Variants in BACE2 observed in about 807,000 individuals in gnomAD.
BACE2 encodes the protein 56 kDa aspartic-like protease.
Under a neutral mutation model 46.2 loss-of-function variants are expected in BACE2, and 17 were observed. The observed-to-expected ratio is 0.37, with a 90% confidence interval of 0.25 to 0.55. The LOEUF is 0.55. Among genes scored for constraint, BACE2 ranks in the 20% least tolerant of loss-of-function variants. BACE2 has a pLI of 0.82. For missense variants in BACE2, 595 were observed against 698.1 expected, an observed-to-expected ratio of 0.85 and a Z score of 1.66; for synonymous variants, 277 against 295.9, an observed-to-expected ratio of 0.94 and a Z score of 0.66.
chr21:41,174,138 CCTTTTTTTTT>C lies in BACE2; in HGVS notation c.312+5564_312+5573del, dbSNP rs1196315991. On this transcript the variant is annotated intron_variant, in intron 1 of 8. Coordinates refer to ENST00000330333, the MANE Select transcript of BACE2 (RefSeq NM_012105.5). Reference sequence around the variant, plus strand: ...TAAGGATAGCTGTTGTGATCAGTGGCCTTTTTTTTTTTTTTTTTTTTTTTTTAAACAGTCT... The same window carrying C: ...TAAGGATAGCTGTTGTGATCAGTGGCTTTTTTTTTTTTTTTTAAACAGTCT... Among the ~76,000 whole-genome samples the C allele has an allele frequency of 3.3e-4, 23 of 70,650 alleles. 1 individual carries two copies. Among genetic ancestry groups the C allele is most frequent in the South Asian group, 1.3e-3 (2 of 1,594 alleles). 46.3% of individuals were successfully genotyped at this position (70,650 alleles called of 152,430 possible).
chr21:41,173,281 G>A (rs917820759), intron 1 of BACE2, among the ~76,000 whole-genome samples: 1 of 152,182 alleles, frequency 6.6e-6, no homozygotes, highest in Non-Finnish European at 1.5e-5. Flanking sequence ...AAGTGTAATT[G>A]TTATCACAGG....
At position 41,277,159 on chromosome 21, in the gene BACE2, G is replaced by A. The variant is rs1162467667; in HGVS notation, c.*1535G>A. 1 of 152,032 alleles carries A rather than the reference G, an allele frequency of 6.6e-6. No homozygotes were observed. The highest frequency in any genetic ancestry group is 1.5e-5 in the Non-Finnish European group (1 of 68,050). The allele number at this position is 152,032 out of a possible 1,614,324, so 9.4% of individuals were successfully genotyped here. A position where few individuals can be genotyped will look rare whatever the true frequency, so the allele number is the denominator to read the frequency against. ...GTCCCCTCCTGCAGAAGTATCGTTT[G>A]TATTCACAGTAGGCTACGTGTGGAT... On this transcript the variant is annotated 3_prime_UTR_variant, in exon 9 of 9. Coordinates refer to ENST00000330333, the MANE Select transcript of BACE2 (RefSeq NM_012105.5).
At chr21:41,257,737 C>G (rs962467292) in intron 8 of BACE2, among the ~76,000 whole-genome samples, 1 of 152,118 alleles carries the variant, frequency 6.6e-6, no homozygotes, top group Non-Finnish European at 1.5e-5. Flanking sequence ...CCTATCGTTG[C>G]GATTTCTTGA....
At chr21:41,214,867 A>G (rs1986407502) in intron 1 of BACE2, among the ~76,000 whole-genome samples, 1 of 151,984 alleles carries the variant, frequency 6.6e-6, no homozygotes, top group Non-Finnish European at 1.5e-5. Context: ...TGTGACGGTG[A>G]TGCACCCAGG....
At chr21:41,209,081 G>A (rs1253936909) in intron 1 of BACE2, among the ~76,000 whole-genome samples, 1 of 152,216 alleles carries the variant, frequency 6.6e-6, no homozygotes, top group Non-Finnish European at 1.5e-5. Flanking sequence ...ACCCTGGGTT[G>A]CAGCCCATGT....
chr21:41,168,437 C>T lies in BACE2; in HGVS notation c.174C>T (p.Asp58=). The part of the protein sequence containing the change: ...GPGTPAERHA[D]GLALALEPAL... Reference sequence around the variant, plus strand: ...GGACCCCTGCCGAGCGCCACGCCGACGGCTTGGCGCTCGCCCTGGAGCCTG... The same window carrying T: ...GGACCCCTGCCGAGCGCCACGCCGATGGCTTGGCGCTCGCCCTGGAGCCTG... Residue 58 remains aspartate, a synonymous_variant, in exon 1 of 9, where the codon GAC becomes GAT. Transcript: ENST00000330333. The T allele has an allele frequency of 2.1e-6, 3 of 1,396,206 alleles. No homozygotes were observed. The highest frequency in any genetic ancestry group is 2.8e-6 in the Non-Finnish European group (3 of 1,073,098). The allele number at this position is 1,396,206 out of a possible 1,614,324, so 86.5% of individuals were successfully genotyped here.
In BACE2 at chr21:41,275,395, A is replaced by T; in HGVS notation, c.1328A>T (p.Glu443Val). Reference sequence around the variant, plus strand: ...GAAATTGCAGGTGCTGCAGTGTCTGAAATTTCCGGGCCTTTCTCAACAGAG... The same window carrying T: ...GAAATTGCAGGTGCTGCAGTGTCTGTAATTTCCGGGCCTTTCTCAACAGAG... Reference protein sequence around the residue: ...CAEIAGAAVSEISGPFSTEDV... With the variant: ...CAEIAGAAVSVISGPFSTEDV... The change falls in exon 9 of 9, where the codon GAA (glutamate) becomes GTA (valine). Residue 443 changes from glutamate (E) to valine (V), a missense_variant. This residue lies in a region of BACE2 where 343 missense variants were observed against 419.4 expected (regional missense o/e 0.82). Coordinates refer to ENST00000330333, the MANE Select transcript of BACE2 (RefSeq NM_012105.5). 6.2e-7 allele frequency: 1 copy of T among 1,614,160 alleles called. No individual in the cohort carries two copies. Among genetic ancestry groups the T allele is most frequent in the South Asian group, 1.1e-5 (1 of 91,076 alleles).
In BACE2 at chr21:41,237,727, A is replaced by G; in HGVS notation, c.616A>G (p.Lys206Glu). 6.2e-7 allele frequency: 1 copy of G among 1,611,906 alleles called. No individual in the cohort carries two copies. The highest frequency in any genetic ancestry group is 8.5e-7 in the Non-Finnish European group (1 of 1,177,978). The change falls in exon 3 of 9, where the codon AAG becomes GAG. Residue 206 changes from lysine to glutamate, a missense_variant and splice_region_variant. Transcript: ENST00000330333. ...TGGCCTAGCTTATGCCACACTTGCC[A>G]AGGTAAGGCTAATCCATGGATTTAA... is the stretch of plus-strand genomic sequence containing the variant. ...ILGLAYATLA[K>E]PSSSLETFFD...
chr21:41,175,016 T>C (rs1478134983), intron 1 of BACE2, among the ~76,000 whole-genome samples: 1 of 152,150 alleles, frequency 6.6e-6, no homozygotes, highest in Admixed American at 6.5e-5. Flanking sequence ...GTGACTTTCC[T>C]GGCCTGGCTC....
chr21:41,209,236 G>A (rs1986224061), intron 1 of BACE2, among the ~76,000 whole-genome samples: 1 of 152,344 alleles, frequency 6.6e-6, no homozygotes, highest in Middle Eastern at 3.4e-3. Context: ...TTCTGGGGGT[G>A]GGAGAGGGCG....
chr21:41,260,098 C>T (rs930579192), intron 8 of BACE2, among the ~76,000 whole-genome samples: 4 of 150,860 alleles, frequency 2.7e-5, no homozygotes, highest in Non-Finnish European at 5.9e-5. Context: ...CGTGGCCTCC[C>T]AAAGTGCTAG....
chr21:41,211,259 A>T (rs556534317), intron 1 of BACE2, among the ~76,000 whole-genome samples: 2 of 150,858 alleles, frequency 1.3e-5, no homozygotes, highest in South Asian at 4.2e-4. Flanking sequence ...GTCTCTCAAC[A>T]TGTGTCTTTC....
chr21:41,258,097 A>G (rs73222287), intron 8 of BACE2, among the ~76,000 whole-genome samples: 3,456 of 152,308 alleles, frequency 0.023, 52 homozygotes, highest in Non-Finnish European at 0.037. Context: ...TGAATCAGAA[A>G]AGTGGTCAGG....
intron 1 of BACE2, among the ~76,000 whole-genome samples, chr21:41,169,281 C>T (rs1451780061): frequency 6.6e-6 from 1 of 151,880 alleles, no homozygotes; most frequent in African/African-American, 2.4e-5. Context: ...GAAAAGCATT[C>T]CAGCTACCGG....
intron 8 of BACE2, among the ~76,000 whole-genome samples, chr21:41,263,460 A>T (rs79108037): frequency 0.036 from 5,554 of 152,342 alleles, 152 homozygotes; most frequent in Non-Finnish European, 0.056. Context: ...AAAACAGATG[A>T]ACAATTGTTG....
chr21:41,250,767 G>T lies in BACE2; in HGVS notation c.1000G>T (p.Asp334Tyr), dbSNP rs751492488. Residue 334 changes from aspartate to tyrosine, a missense_variant, in exon 7 of 9, where the codon GAT (aspartate) becomes TAT (tyrosine). Asp to Tyr is a radical substitution (Grantham distance 160). This residue lies in a region of BACE2 where 343 missense variants were observed against 419.4 expected (regional missense o/e 0.82). Coordinates refer to ENST00000330333, the MANE Select transcript of BACE2 (RefSeq NM_012105.5). ...ARASLIPEFS[D>Y]GFWTGSQLAC... ...TTTTGTCTAGATTCCAGAATTCTCT[G>T]ATGGTTTCTGGACTGGGTCCCAGCT... 2 of 1,614,082 alleles carry T rather than the reference G, an allele frequency of 1.2e-6. No homozygotes were observed. Among genetic ancestry groups the T allele is most frequent in the Admixed American group, 1.7e-5 (1 of 60,006 alleles).
chr21:41,211,466 A>G (rs1299962970), intron 1 of BACE2, among the ~76,000 whole-genome samples: 1 of 152,252 alleles, frequency 6.6e-6, no homozygotes, highest in Non-Finnish European at 1.5e-5. Flanking sequence ...GAAATGGCGC[A>G]TGACAATTAT....
At position 41,246,057 on chromosome 21, in the gene BACE2, A is replaced by G. The variant is rs1417265379; in HGVS notation, c.978A>G (p.Ala326=). ...FDAVVEAVAR[A]SLIPEFSDGF... is the part of the protein sequence containing the mutation. ...CGGTGGTGGAAGCTGTGGCCCGCGC[A>G]TCTCTGGTGAGTCCTCGGGACACTC... Residue 326 remains alanine, a synonymous_variant, in exon 6 of 9, where the codon GCA becomes GCG. Transcript: ENST00000330333. 1 of 1,600,558 alleles carries G rather than the reference A, an allele frequency of 6.2e-7. No individual in the cohort carries two copies. Among genetic ancestry groups the G allele is most frequent in the Admixed American group, 1.7e-5 (1 of 58,552 alleles).
chr21:41,233,121 C>T (rs764906151), intron 2 of BACE2, among the ~76,000 whole-genome samples: 10 of 152,092 alleles, frequency 6.6e-5, no homozygotes, highest in Non-Finnish European at 1.2e-4. Context: ...ACCTGCCTCG[C>T]CTCCCAAAGT....
Sources: gnomAD v4.1 joint callset for allele counts (sites outside exome capture counted in the v4.1 genomes callset) on GRCh38, gnomAD v4.1.1 for gene constraint, gnomAD v4.1.1 regional missense constraint, MANE v1.5 for transcripts, NCBI Gene and HGNC (gene_info 2026-07-23, HGNC 2026-07-21) for gene names.